The following ZNF503 variants were observed in gnomAD, a reference collection of about 807,000 sequenced individuals.
ZNF503 encodes zinc finger protein 503.
ZNF503 carries 15 observed loss-of-function variants against 34.4 expected under a neutral mutation model. The observed-to-expected ratio is 0.44, with a 90% CI of 0.29 to 0.67. The LOEUF is 0.67. Among genes scored for constraint, ZNF503 ranks in the 30% least tolerant of loss-of-function variants. The pLI, the probability that ZNF503 is intolerant of heterozygous loss-of-function variation, is 0.13. For synonymous variants in ZNF503, 580 were observed against 456.8 expected (o/e 1.27, Z -3.44); for missense variants, 1,007 against 926.8 (o/e 1.09, Z -1.12).
the ZNF503 span, among the ~76,000 whole-genome samples, chr10:75,378,238 C>T: frequency 6.6e-6 from 1 of 152,118 alleles, no homozygotes; most frequent in Admixed American, 6.5e-5. Flanking sequence ...GACCCCTACC[C>T]TCCTTGCTGT....
the ZNF503 span, among the ~76,000 whole-genome samples, chr10:75,318,515 A>G: frequency 6.6e-6 from 1 of 152,020 alleles, no homozygotes; most frequent in African/African-American, 2.4e-5. Context: ...AAAAAAATAG[A>G]AAAATTAGCT....
the ZNF503 span, among the ~76,000 whole-genome samples, chr10:75,387,736 G>A: frequency 1.1e-4 from 17 of 152,298 alleles, no homozygotes; most frequent in Admixed American, 5.2e-4. Context: ...AGGAGAGGGA[G>A]CAGGGCTGGT....
At chr10:75,329,438 T>TTCCTTCCTTCCTTCCTTCCTTC in the ZNF503 span, among the ~76,000 whole-genome samples, 2 of 89,602 alleles carry the variant, frequency 2.2e-5, no homozygotes, top group African/African-American at 8.2e-5. Context: ...TTCCTTCCTT[T>TTCCTTCCTTCCTTCCTTCCTTC]CTTTCTTTCT....
At chr10:75,356,685 G>A in the ZNF503 span, among the ~76,000 whole-genome samples, 1 of 152,156 alleles carries the variant, frequency 6.6e-6, no homozygotes, top group East Asian at 1.9e-4. Flanking sequence ...TGCCCCTGGT[G>A]GTCCATAGCT....
At chr10:75,379,494 C>G in the ZNF503 span, among the ~76,000 whole-genome samples, 3 of 152,346 alleles carry the variant, frequency 2.0e-5, no homozygotes, top group East Asian at 5.8e-4. Context: ...ACCACAATCA[C>G]AAAAGCTGGG....
the ZNF503 span, among the ~76,000 whole-genome samples, chr10:75,353,695 G>A: frequency 1.3e-5 from 2 of 152,146 alleles, no homozygotes; most frequent in Non-Finnish European, 2.9e-5. Context: ...CCTCCCAAAC[G>A]GGCAGCTCAC....
At chr10:75,326,239 G>A in the ZNF503 span, among the ~76,000 whole-genome samples, 1 of 152,132 alleles carries the variant, frequency 6.6e-6, no homozygotes. Context: ...AGTTTTTTGG[G>A]TAGATTCTTT....
the ZNF503 span, among the ~76,000 whole-genome samples, chr10:75,321,848 G>A: frequency 6.6e-6 from 1 of 152,188 alleles, no homozygotes. Flanking sequence ...TGGAAAATTT[G>A]AAGCCTGGTC....
chr10:75,397,603 G>A (rs1362213909), downstream of ZNF503, among the ~76,000 whole-genome samples: 4 of 152,180 alleles, frequency 2.6e-5, no homozygotes, highest in Non-Finnish European at 4.4e-5. Context: ...GATAGATAGC[G>A]GAGGACACTA....
At chr10:75,288,824 C>T in the ZNF503 span, 11 of 152,230 alleles carry the variant, frequency 7.2e-5, no homozygotes, top group African/African-American at 2.7e-4. Flanking sequence ...AGTATTTTTC[C>T]CTAAACTTTG....
the ZNF503 span, among the ~76,000 whole-genome samples, chr10:75,351,332 C>T: frequency 5.9e-5 from 9 of 152,090 alleles, no homozygotes; most frequent in African/African-American, 1.2e-4. Flanking sequence ...CCACCACACC[C>T]GGCTAATTTT....
the ZNF503 span, among the ~76,000 whole-genome samples, chr10:75,355,385 C>A: frequency 6.6e-6 from 1 of 152,200 alleles, no homozygotes; most frequent in African/African-American, 2.4e-5. Context: ...AGAGTCCTTG[C>A]ATCAAGCTTG....
chr10:75,359,106 TA>T, the ZNF503 span: 6 of 152,358 alleles, frequency 3.9e-5, no homozygotes, highest in East Asian at 1.2e-3. Context: ...CCCTAGCTCA[TA>T]AATCCTGCCC....
rs866011897 is a variant in ZNF503 at position 75,401,668 on chromosome 10, T to C, written c.-249A>G. 4 of 495,062 alleles carry C rather than the reference T, an allele frequency of 8.1e-6. No homozygotes were observed. Among genetic ancestry groups the C allele is most frequent in the Middle Eastern group, 5.3e-4 (1 of 1,874 alleles). 30.7% of individuals were successfully genotyped at this position (495,062 alleles called of 1,614,324 possible). On this transcript the variant is annotated 5_prime_UTR_variant, in exon 1 of 2. Transcript: ENST00000372524. ...TGCGGGAGTGCCGGGCGGCTCGCGG[T>C]GTCCGCCTCGGGCTGCTCCCCTGCG... is the stretch of plus-strand genomic sequence containing the variant.
chr10:75,348,656 T>C, the ZNF503 span, among the ~76,000 whole-genome samples: 1 of 151,338 alleles, frequency 6.6e-6, no homozygotes, highest in Non-Finnish European at 1.5e-5. Flanking sequence ...GGACTACAGG[T>C]GCCTGCCACC....
chr10:75,319,519 G>T, the ZNF503 span, among the ~76,000 whole-genome samples: 56 of 152,152 alleles, frequency 3.7e-4, 1 homozygote, highest in Non-Finnish European at 5.9e-4. Flanking sequence ...ACACCCTATA[G>T]TTAAGTTAAA....
chr10:75,309,729 C>T, the ZNF503 span, among the ~76,000 whole-genome samples: 1 of 152,184 alleles, frequency 6.6e-6, no homozygotes, highest in Non-Finnish European at 1.5e-5. Context: ...TGGTCTGGAA[C>T]TGAACTCGCA....
At chr10:75,346,805 G>C in the ZNF503 span, among the ~76,000 whole-genome samples, 4 of 90,236 alleles carry the variant, frequency 4.4e-5, no homozygotes, top group African/African-American at 1.5e-4. Flanking sequence ...TTATTAAAAA[G>C]AATTTTTTTT....
the ZNF503 span, among the ~76,000 whole-genome samples, chr10:75,375,634 A>T: frequency 6.6e-6 from 1 of 152,046 alleles, no homozygotes; most frequent in Non-Finnish European, 1.5e-5. Flanking sequence ...CTCATGTCTC[A>T]GCCTCTGTAG....
Sources: gnomAD v4.1 joint callset for allele counts (sites outside exome capture counted in the v4.1 genomes callset) on GRCh38, gnomAD v4.1.1 for gene constraint, MANE v1.5 for transcripts, NCBI Gene and HGNC (gene_info 2026-07-23, HGNC 2026-07-21) for gene names.